KLF8: variants seen among roughly 807,000 people sequenced by gnomAD.
The protein encoded by KLF8 is Krueppel-like factor 8.
Under a neutral mutation model 18.2 loss-of-function variants are expected in KLF8, and 10 were observed. That is an observed-to-expected ratio of 0.55 (90% CI 0.34 to 0.93). The LOEUF (loss-of-function observed/expected upper bound fraction) is 0.93. KLF8 is among the 40% of genes least tolerant of loss of function. KLF8 has a pLI of 0.02. For missense variants in KLF8, 264 were observed against 277.9 expected (o/e 0.95, Z 0.36); for synonymous variants, 109 against 97.3 (o/e 1.12, Z -0.71).
the KLF8 span, among the ~76,000 whole-genome samples, chrX:55,921,564 A>T: frequency 1.1e-5 from 1 of 89,265 alleles, no homozygotes; most frequent in Non-Finnish European, 2.2e-5. Flanking sequence ...ATGGGCAAAG[A>T]TTTCATGACA....
At chrX:56,253,313 A>G (rs1279745054) in intron 2 of KLF8, among the ~76,000 whole-genome samples, 1 of 112,150 alleles carries the variant, frequency 8.9e-6, no homozygotes, top group Admixed American at 9.4e-5. Context: ...ATTTTCCCAA[A>G]TATTTTCTGC....
chrX:56,137,137 A>T, the KLF8 span, among the ~76,000 whole-genome samples: 2 of 109,705 alleles, frequency 1.8e-5, no homozygotes, highest in African/African-American at 3.3e-5. Flanking sequence ...AGAAATAGGA[A>T]CACTTTTACA....
chrX:56,097,892 G>A, the KLF8 span, among the ~76,000 whole-genome samples: 1 of 109,170 alleles, frequency 9.2e-6, no homozygotes, highest in Non-Finnish European at 1.9e-5. Flanking sequence ...AAGGATATTT[G>A]CTCTTACCAC....
chrX:56,043,682 A>G, the KLF8 span, among the ~76,000 whole-genome samples: 402 of 112,115 alleles, frequency 3.6e-3, 2 homozygotes, highest in African/African-American at 0.013. Flanking sequence ...GAAACTGGCT[A>G]TTCAGGCTAT....
At chrX:56,005,029 GATT>G in the KLF8 span, among the ~76,000 whole-genome samples, 51,444 of 99,903 alleles carry the variant, frequency 0.51, 13,083 homozygotes, top group Non-Finnish European at 0.72. Flanking sequence ...TATCCTTTAT[GATT>G]ATTATTATTA....
the KLF8 span, among the ~76,000 whole-genome samples, chrX:56,217,337 T>G: frequency 1.2e-4 from 13 of 111,839 alleles, no homozygotes; most frequent in African/African-American, 4.2e-4. Flanking sequence ...GCTGATTGCT[T>G]CAGGTTCCAT....
chrX:56,196,140 A>T, the KLF8 span, among the ~76,000 whole-genome samples: 1 of 112,048 alleles, frequency 8.9e-6, no homozygotes, highest in Non-Finnish European at 1.9e-5. Flanking sequence ...CCAAATTGTA[A>T]AGACCATCCA....
the KLF8 span, among the ~76,000 whole-genome samples, chrX:56,213,279 GTTTTCTTTTC>G: frequency 4.6e-3 from 189 of 40,823 alleles, 2 homozygotes; most frequent in Middle Eastern, 0.017. Flanking sequence ...TTTTTCTTTT[GTTTTCTTTTC>G]TTTTCTTTTC....
the KLF8 span, among the ~76,000 whole-genome samples, chrX:56,169,497 C>T: frequency 9.0e-6 from 1 of 110,649 alleles, no homozygotes; most frequent in Non-Finnish European, 1.9e-5. Flanking sequence ...TGTGTCTCAG[C>T]ACAGTCATAA....
chrX:56,193,657 C>G, the KLF8 span, among the ~76,000 whole-genome samples: 1 of 111,911 alleles, frequency 8.9e-6, no homozygotes, highest in Non-Finnish European at 1.9e-5. Flanking sequence ...GAAATTCTGT[C>G]ATTTGCAACA....
At chrX:56,153,988 G>C in the KLF8 span, among the ~76,000 whole-genome samples, 1 of 111,305 alleles carries the variant, frequency 9.0e-6, no homozygotes, top group Non-Finnish European at 1.9e-5. Flanking sequence ...TCAATATCGT[G>C]AAAATGGCCA....
At chrX:56,267,370 C>A in intron 3 of KLF8, 1 of 156,590 alleles carries the variant, frequency 6.4e-6, no homozygotes, top group Non-Finnish European at 1.1e-5. Flanking sequence ...TACATGGTGG[C>A]AGCAAGAGAA....
At chrX:56,245,465 G>C (rs1015154976) in intron 1 of KLF8, among the ~76,000 whole-genome samples, 3 of 111,935 alleles carry the variant, frequency 2.7e-5, no homozygotes, top group African/African-American at 9.7e-5. Context: ...TCAAACTCCT[G>C]TAGTCACAGT....
the KLF8 span, among the ~76,000 whole-genome samples, chrX:56,109,360 A>T: frequency 9.5e-6 from 1 of 104,723 alleles, no homozygotes; most frequent in Non-Finnish European, 1.9e-5. Flanking sequence ...ATGCCACTGC[A>T]CTCTAGTCTG....
At chrX:56,103,587 C>T in the KLF8 span, among the ~76,000 whole-genome samples, 1 of 111,312 alleles carries the variant, frequency 9.0e-6, no homozygotes, top group Non-Finnish European at 1.9e-5. Context: ...GCTGAAGTTG[C>T]TTATCAGCTT....
At chrX:56,103,641 A>G in the KLF8 span, among the ~76,000 whole-genome samples, 64 of 111,465 alleles carry the variant, frequency 5.7e-4, no homozygotes, top group Middle Eastern at 4.7e-3. Context: ...TAAATATACA[A>G]TCATGTCATC....
chrX:56,248,599 T>C, intron 1 of KLF8, among the ~76,000 whole-genome samples: 1 of 111,691 alleles, frequency 9.0e-6, no homozygotes, highest in Non-Finnish European at 1.9e-5. Context: ...TTGAAGGTGT[T>C]GTGTGAATGC....
the KLF8 span, among the ~76,000 whole-genome samples, chrX:55,980,508 C>A: frequency 8.9e-6 from 1 of 111,764 alleles, no homozygotes; most frequent in African/African-American, 3.3e-5. Flanking sequence ...CTGATACATG[C>A]AGTGACATCC....
At chrX:56,065,456 T>C in the KLF8 span, among the ~76,000 whole-genome samples, 1 of 112,212 alleles carries the variant, frequency 8.9e-6, no homozygotes, top group African/African-American at 3.2e-5. Flanking sequence ...TTCTCATTAA[T>C]ATCTTAAATT....
Sources: gnomAD v4.1 joint callset for allele counts (sites outside exome capture counted in the v4.1 genomes callset) on GRCh38, gnomAD v4.1.1 for gene constraint, MANE v1.5 for transcripts, NCBI Gene and HGNC (gene_info 2026-07-23, HGNC 2026-07-21) for gene names.